The following S100PBP variants were observed in gnomAD, a reference collection of about 807,000 sequenced individuals.
S100PBP encodes the protein S100P binding protein.
Under a neutral mutation model 39.9 loss-of-function variants are expected in S100PBP, and 15 were observed. That is an observed-to-expected ratio of 0.38 (90% confidence interval 0.25 to 0.58). The LOEUF (loss-of-function observed/expected upper bound fraction) is 0.58, where lower values mean the gene tolerates loss of function less well. Ranked by LOEUF, S100PBP falls within the 20% of genes least tolerant of loss-of-function variation. The pLI is 0.70. For synonymous variants in S100PBP, 178 were observed against 180.3 expected (o/e 0.99, Z 0.10); for missense variants, 504 against 487.3 (o/e 1.03, Z -0.32).
intron 5 of S100PBP, among the ~76,000 whole-genome samples, chr1:32,839,221 G>A (rs1364867156): frequency 6.6e-6 from 1 of 152,174 alleles, no homozygotes; most frequent in Non-Finnish European, 1.5e-5. Flanking sequence ...CATAAGTGGA[G>A]TCAGACAAAG....
At chr1:32,828,122 T>G (rs1639423012) in intron 4 of S100PBP, 41 bp downstream of exon 4, 3 of 1,399,628 alleles carry the variant, frequency 2.1e-6, no homozygotes, top group Non-Finnish European at 3.0e-6. Context: ...TTATTTTGGT[T>G]CTCTTCAATT....
At chr1:32,831,920 C>G (rs1237551962) in intron 5 of S100PBP, among the ~76,000 whole-genome samples, 1 of 152,170 alleles carries the variant, frequency 6.6e-6, no homozygotes, top group Non-Finnish European at 1.5e-5. Flanking sequence ...AGCAGCTGTT[C>G]ACACTATAAC....
intron 1 of S100PBP, among the ~76,000 whole-genome samples, chr1:32,819,974 T>A (rs1178002615): frequency 6.6e-6 from 1 of 152,118 alleles, no homozygotes; most frequent in Non-Finnish European, 1.5e-5. Flanking sequence ...GAACATTAAT[T>A]TGCATAATTT....
At chr1:32,852,223 G>T (rs1316219299) in intron 5 of S100PBP, among the ~76,000 whole-genome samples, 1 of 151,916 alleles carries the variant, frequency 6.6e-6, no homozygotes, top group Non-Finnish European at 1.5e-5. Context: ...TGAGGCAGGG[G>T]AATCACTTGA....
intron 5 of S100PBP, chr1:32,843,089 T>G (rs557694139): frequency 7.9e-5 from 12 of 152,286 alleles, no homozygotes; most frequent in African/African-American, 2.9e-4. Flanking sequence ...TATATAGAAA[T>G]GTAATTGATT....
intron 5 of S100PBP, among the ~76,000 whole-genome samples, chr1:32,838,837 C>G (rs181645002): frequency 6.6e-6 from 1 of 150,498 alleles, no homozygotes; most frequent in Non-Finnish European, 1.5e-5. Flanking sequence ...GAGTGAAACT[C>G]CGTCTCAAAA....
chr1:32,847,064 G>C (rs1352586929), intron 5 of S100PBP, among the ~76,000 whole-genome samples: 3 of 152,158 alleles, frequency 2.0e-5, no homozygotes, highest in African/African-American at 7.2e-5. Flanking sequence ...ACAGGCATGA[G>C]CCACCGTGCC....
intron 6 of S100PBP, 106 bp downstream of exon 6, chr1:32,853,272 G>GAGGTCAGGAGTTCA: frequency 3.3e-6 from 2 of 606,058 alleles, no homozygotes; most frequent in Non-Finnish European, 5.9e-6. Context: ...TGGGTCGTTT[G>GAGGTCAGGAGTTCA]AGACCATCCT....
At chr1:32,853,285 C>T (rs1275952471) in intron 6 of S100PBP, 119 bp downstream of exon 6, 1 of 168,528 alleles carries the variant, frequency 5.9e-6, no homozygotes, top group Non-Finnish European at 1.1e-5. Context: ...ACCATCCTGG[C>T]TAACATGGTG....
At position 32,842,467 on chromosome 1, in the gene S100PBP, C is replaced by T. The variant is rs185603661; in HGVS notation, c.1025-10612C>T. Among the ~76,000 whole-genome samples the T allele has an allele frequency of 1.8e-3, 278 of 151,780 alleles. 1 individual carries two copies. Among genetic ancestry groups the T allele is most frequent in the Middle Eastern group, 0.01 (3 of 292 alleles). On this transcript the variant is annotated intron_variant, in intron 5 of 6. Transcript: ENST00000373475. ...TGTTCTTATTTTTCAGTTGTGTTGG[C>T]TTTTGTAGATTCTTTGCATTTCCAT...
intron 2 of S100PBP, among the ~76,000 whole-genome samples, 197 bp from the exon 3 acceptor site, chr1:32,825,901 G>C (rs1207530170): frequency 6.6e-6 from 1 of 152,200 alleles, no homozygotes; most frequent in African/African-American, 2.4e-5. Context: ...TCACCATTTT[G>C]ATAGGCAAAA....
chr1:32,845,841 C>G (rs1640346169), intron 5 of S100PBP, among the ~76,000 whole-genome samples: 1 of 151,566 alleles, frequency 6.6e-6, no homozygotes, highest in Non-Finnish European at 1.5e-5. Flanking sequence ...CCAAGCCTGG[C>G]TAATTTTTTG....
rs1640461257 is a variant in S100PBP at position 32,848,181 on chromosome 1, C to T, written c.1025-4898C>T. Among the ~76,000 whole-genome samples, 3 of 152,032 alleles carry T rather than the reference C, an allele frequency of 2.0e-5. No homozygotes were observed. The South Asian group carries it at 6.2e-4, about 32-fold the overall frequency. On this transcript the variant is annotated intron_variant, in intron 5 of 6. Transcript: ENST00000373475. ...AATTAGCCGAGTATGGTGGCGGGCACCTGTAATCCCAGCTACTCGGGAGGC... is the reference window on the plus strand; with the variant it reads ...AATTAGCCGAGTATGGTGGCGGGCATCTGTAATCCCAGCTACTCGGGAGGC...
intron 5 of S100PBP, among the ~76,000 whole-genome samples, chr1:32,851,306 G>C (rs577112167): frequency 8.6e-4 from 131 of 152,288 alleles, no homozygotes; most frequent in African/African-American, 3.1e-3. Context: ...AAGCACAGTA[G>C]ATAAGGTAAT....
chr1:32,854,212 A>G (rs1393228463), intron 6 of S100PBP, among the ~76,000 whole-genome samples: 4 of 152,132 alleles, frequency 2.6e-5, no homozygotes, highest in African/African-American at 9.7e-5. Context: ...TTCATGAGGG[A>G]TTAGTTCCAG....
At chr1:32,835,718 C>T (rs1022020968) in intron 5 of S100PBP, 1 of 152,078 alleles carries the variant, frequency 6.6e-6, no homozygotes, top group African/African-American at 2.4e-5. Context: ...CCCATTGTGG[C>T]ATGTGACAGG....
chr1:32,821,299 A>G (rs936446777), intron 1 of S100PBP, among the ~76,000 whole-genome samples: 4 of 152,068 alleles, frequency 2.6e-5, no homozygotes, highest in African/African-American at 9.7e-5. Context: ...ATGTATCCAT[A>G]CATAATACGT....
At chr1:32,847,330 A>G (rs915099420) in intron 5 of S100PBP, 3 of 152,176 alleles carry the variant, frequency 2.0e-5, no homozygotes, top group African/African-American at 4.8e-5. Flanking sequence ...TTTATTTTGA[A>G]AAATTATAGA....
At chr1:32,827,191 T>A (rs1451534226) in intron 3 of S100PBP, among the ~76,000 whole-genome samples, 2 of 152,208 alleles carry the variant, frequency 1.3e-5, no homozygotes, top group Non-Finnish European at 2.9e-5. Context: ...TAAATTGGAG[T>A]AAATAATACT....
Sources: gnomAD v4.1 joint callset for allele counts (sites outside exome capture counted in the v4.1 genomes callset) on GRCh38, gnomAD v4.1.1 for gene constraint, MANE v1.5 for transcripts, NCBI Gene and HGNC (gene_info 2026-07-23, HGNC 2026-07-21) for gene names.